PCDH15: variants seen among roughly 807,000 people sequenced by gnomAD.
PCDH15 encodes protocadherin related 15.
In PCDH15, 129 loss-of-function variants were observed where a neutral mutation model predicts 178.5. The ratio of observed to expected loss-of-function variants is 0.72; its 90% CI spans 0.63 to 0.84. The LOEUF is 0.84. PCDH15 is among the 40% of genes least tolerant of loss of function. The pLI is 0.00. For missense variants in PCDH15, 2,230 were observed against 2,099.9 expected (o/e 1.06, Z -1.21); for synonymous variants, 800 against 732.0 (o/e 1.09, Z -1.50).
At chr10:55,336,724 G>A (rs1453535434) in intron 2 of PCDH15, among the ~76,000 whole-genome samples, 2 of 151,978 alleles carry the variant, frequency 1.3e-5, no homozygotes, top group African/African-American at 4.8e-5. Context: ...TATTAGATCA[G>A]ACCCTTTCGC....
Position 54,468,519 on chromosome 10 carries a change from T to C in PCDH15, c.157+59293A>G, listed in dbSNP as rs368196736. On this transcript the variant is annotated intron_variant, in intron 3 of 37. Coordinates refer to ENST00000644397, the MANE Select transcript of PCDH15 (RefSeq NM_001384140.1). ...CACTGTGTTCTGAGAAGATACTTGG[T>C]ATATTTTGATTATTAAAAAAATTGA... Among the ~76,000 whole-genome samples the C allele has an allele frequency of 4.5e-4, 69 of 152,252 alleles. No homozygotes were observed. In the South Asian group the frequency reaches 0.014, roughly 31 times the overall value.
chr10:55,362,944 T>C (rs1476216137), intron 2 of PCDH15, among the ~76,000 whole-genome samples: 1 of 152,158 alleles, frequency 6.6e-6, no homozygotes, highest in East Asian at 1.9e-4. Flanking sequence ...ACACTAATGA[T>C]ACCTGATGAG....
intron 1 of PCDH15, among the ~76,000 whole-genome samples, chr10:54,681,128 G>A (rs112716818): frequency 1.9e-4 from 29 of 152,260 alleles, no homozygotes; most frequent in African/African-American, 6.5e-4. Context: ...GATGAGAGAC[G>A]TAGCCAACAA....
chr10:55,432,216 TG>T (rs1225020656), intron 2 of PCDH15, among the ~76,000 whole-genome samples: 1 of 152,152 alleles, frequency 6.6e-6, no homozygotes, highest in Non-Finnish European at 1.5e-5. Context: ...ATGGATATTT[TG>T]CAAAACAGAA....
At chr10:54,106,449 G>A (rs949385094) in intron 15 of PCDH15, among the ~76,000 whole-genome samples, 2 of 152,156 alleles carry the variant, frequency 1.3e-5, no homozygotes, top group Non-Finnish European at 2.9e-5. Context: ...AAAGTGTCAG[G>A]TCATGGGATG....
intron 2 of PCDH15, among the ~76,000 whole-genome samples, chr10:54,956,356 T>C (rs1838486841): frequency 1.3e-5 from 2 of 151,552 alleles, no homozygotes; most frequent in Admixed American, 1.3e-4. Context: ...AACTAATGAT[T>C]TTTCTCCATG....
At chr10:54,044,150 C>A (rs920760137) in intron 18 of PCDH15, among the ~76,000 whole-genome samples, 1 of 152,076 alleles carries the variant, frequency 6.6e-6, no homozygotes, top group Non-Finnish European at 1.5e-5. Flanking sequence ...GAGAAAAGTA[C>A]ATCTTACCAA....
At chr10:55,441,825 G>T (rs1839194328) in intron 2 of PCDH15, among the ~76,000 whole-genome samples, 1 of 152,166 alleles carries the variant, frequency 6.6e-6, no homozygotes, top group African/African-American at 2.4e-5. Flanking sequence ...GAGATTCAGA[G>T]ATTACTGTAG....
At chr10:54,255,616 C>T (rs942491138) in intron 8 of PCDH15, among the ~76,000 whole-genome samples, 2 of 152,180 alleles carry the variant, frequency 1.3e-5, no homozygotes, top group Middle Eastern at 3.4e-3. Context: ...AATTCATATG[C>T]TATTTTTTGC....
At chr10:55,123,691 G>A (rs1188089771) in intron 2 of PCDH15, among the ~76,000 whole-genome samples, 1 of 152,112 alleles carries the variant, frequency 6.6e-6, no homozygotes, top group Non-Finnish European at 1.5e-5. Context: ...GTCAACAATA[G>A]GAATGACTTA....
At chr10:55,363,415 T>C (rs1845276726) in intron 2 of PCDH15, among the ~76,000 whole-genome samples, 1 of 152,184 alleles carries the variant, frequency 6.6e-6, no homozygotes, top group Admixed American at 6.5e-5. Flanking sequence ...AGTTTTATTT[T>C]ATTTGAAATA....
intron 15 of PCDH15, among the ~76,000 whole-genome samples, chr10:54,129,754 T>A (rs898604483): frequency 2.6e-5 from 4 of 152,022 alleles, no homozygotes; most frequent in Admixed American, 6.6e-5. Context: ...CCACAGTGGG[T>A]CTTATGGAAC....
chr10:54,779,554 C>T (rs1021662524), intron 1 of PCDH15, among the ~76,000 whole-genome samples: 5 of 77,082 alleles, frequency 6.5e-5, no homozygotes, highest in Non-Finnish European at 1.5e-4. Context: ...CATTTCTTCC[C>T]CTTTCTGTTC....
intron 18 of PCDH15, among the ~76,000 whole-genome samples, chr10:54,035,660 A>G (rs1365763323): frequency 6.6e-6 from 1 of 151,886 alleles, no homozygotes; most frequent in African/African-American, 2.4e-5. Flanking sequence ...ACACAGTGAA[A>G]TTAAAATTAG....
chr10:55,343,162 T>G, intron 2 of PCDH15, among the ~76,000 whole-genome samples: 1 of 152,074 alleles, frequency 6.6e-6, no homozygotes, highest in East Asian at 1.9e-4. Flanking sequence ...TGACTAGATA[T>G]GAGTTTATAG....
chr10:54,279,516 C>G (rs573148309), intron 8 of PCDH15, among the ~76,000 whole-genome samples: 2 of 151,684 alleles, frequency 1.3e-5, no homozygotes, highest in Non-Finnish European at 3.0e-5. Context: ...TGGTATCAGT[C>G]TTAGATAACA....
intron 2 of PCDH15, among the ~76,000 whole-genome samples, chr10:54,656,668 G>A (rs1352157872): frequency 1.3e-5 from 2 of 152,056 alleles, no homozygotes; most frequent in Non-Finnish European, 2.9e-5. Context: ...CAATCAAAGG[G>A]AAACAGAGAG....
chr10:54,409,855 C>T (rs1032517698), intron 3 of PCDH15, among the ~76,000 whole-genome samples: 8 of 152,024 alleles, frequency 5.3e-5, no homozygotes, highest in Non-Finnish European at 1.0e-4. Context: ...TGCTCTTGCC[C>T]TCTCACTATG....
In PCDH15 at chr10:55,058,482, T is replaced by C. The variant is rs560080353; in HGVS notation, c.-80+108094A>G. ...GTCTCGGCTCTCAAAGTGCTGGGAT[T>C]ACAGGCTTGAGCCACCATACCTGGC... On this transcript the variant is annotated intron_variant, in intron 2 of 5. Coordinates refer to the PCDH15 transcript ENST00000458638. 4.6e-5 allele frequency among the ~76,000 whole-genome samples: 7 copies of C among 152,284 alleles called. No individual in the cohort carries two copies. In the South Asian group the frequency reaches 1.4e-3, roughly 32 times the overall value.
Sources: allele counts gnomAD v4.1 joint callset (sites outside exome capture counted in the v4.1 genomes callset), GRCh38; gene constraint gnomAD v4.1.1; transcripts MANE v1.5; gene names NCBI Gene and HGNC (gene_info 2026-07-23, HGNC 2026-07-21).